Variants in IRAG2 observed in about 807,000 individuals in gnomAD.
The protein encoded by IRAG2 is lymphoid restricted membrane protein.
In IRAG2, 45 loss-of-function variants were observed where a neutral mutation model predicts 69.9. The ratio of observed to expected loss-of-function variants is 0.64; its 90% CI spans 0.51 to 0.83. IRAG2 has a LOEUF of 0.83. IRAG2 is among the 40% of genes least tolerant of loss of function. The probability of loss-of-function intolerance (pLI) is 0.00; values close to 1 mark genes in which losing one functional copy is unlikely to be tolerated. For missense variants in IRAG2, 520 were observed against 587.0 expected (o/e 0.89, Z 1.18); for synonymous variants, 193 against 202.4 (o/e 0.95, Z 0.40).
chr12:24,997,957 G>C, the IRAG2 span, among the ~76,000 whole-genome samples: 4 of 152,182 alleles, frequency 2.6e-5, no homozygotes, highest in African/African-American at 9.6e-5. Flanking sequence ...TGGAGCTTTT[G>C]GAAATTTAAA....
chr12:25,070,880 A>G (rs1430959578), intron 6 of IRAG2, among the ~76,000 whole-genome samples: 1 of 152,186 alleles, frequency 6.6e-6, no homozygotes, highest in Non-Finnish European at 1.5e-5. Flanking sequence ...TTCTCTCATG[A>G]TTAATAATGA....
rs763526714 is a variant in IRAG2 at position 25,089,633 on chromosome 12, T to A, written c.393T>A (p.Leu131=). The A allele has an allele frequency of 6.3e-7, 1 of 1,599,962 alleles. No individual in the cohort carries two copies. The highest frequency in any genetic ancestry group is 8.6e-7 in the Non-Finnish European group (1 of 1,168,104). ...TAATAGACTCTGTGGTTTCCCCTCT[T>A]CCTGTAACCACTGTGAAATCGGTTA... ...HASGDSVVSP[L]PVTTVKSVNL... is the part of the protein sequence containing the mutation. The change falls in exon 12 of 22, where the codon CTT becomes CTA. Residue 131 remains leucine, a synonymous_variant. Coordinates refer to ENST00000556887, the MANE Select transcript of IRAG2 (RefSeq NM_001366544.2).
chr12:25,045,860 A>G (rs1039298294), intron 16 of IRAG2, among the ~76,000 whole-genome samples: 21 of 151,644 alleles, frequency 1.4e-4, no homozygotes, highest in Non-Finnish European at 2.9e-4. Flanking sequence ...AAAAAAAAAA[A>G]AAAAAAAGGA....
intron 1 of IRAG2, among the ~76,000 whole-genome samples, chr12:25,059,708 A>T (rs1945495204): frequency 6.6e-6 from 1 of 152,172 alleles, no homozygotes; most frequent in South Asian, 2.1e-4. Flanking sequence ...AGATGTTTGA[A>T]AAACAAACAT....
At chr12:25,097,859 T>G (rs1204201496) in intron 15 of IRAG2, among the ~76,000 whole-genome samples, 4 of 152,238 alleles carry the variant, frequency 2.6e-5, no homozygotes, top group Non-Finnish European at 4.4e-5. Flanking sequence ...CTTTCAACTT[T>G]TTGTCTTATT....
At chr12:25,043,014 A>G (rs996197173) in intron 16 of IRAG2, among the ~76,000 whole-genome samples, 2 of 151,344 alleles carry the variant, frequency 1.3e-5, no homozygotes, top group African/African-American at 4.9e-5. Context: ...AAAAAAAAAA[A>G]AAGAAGAGGA....
At chr12:25,026,202 TACCAGG>T (rs1425938384) in intron 8 of IRAG2, among the ~76,000 whole-genome samples, 5 of 152,176 alleles carry the variant, frequency 3.3e-5, no homozygotes, top group South Asian at 2.1e-4. Flanking sequence ...AGTATAAATA[TACCAGG>T]ATGATATGAT....
chr12:25,063,196 G>A (rs544149195), intron 3 of IRAG2, among the ~76,000 whole-genome samples: 39 of 152,138 alleles, frequency 2.6e-4, no homozygotes, highest in Non-Finnish European at 4.3e-4. Context: ...CGGAGTAGCT[G>A]GGATTACAGT....
chr12:25,040,962 A>C (rs1038452599), intron 16 of IRAG2, among the ~76,000 whole-genome samples: 1 of 152,230 alleles, frequency 6.6e-6, no homozygotes, highest in African/African-American at 2.4e-5. Context: ...AAAGAAAATT[A>C]AATCAGGATA....
At chr12:25,091,864 A>G (rs2140178771) in intron 14 of IRAG2, among the ~76,000 whole-genome samples, 1 of 152,276 alleles carries the variant, frequency 6.6e-6, no homozygotes. Flanking sequence ...GGATAATGAT[A>G]TTGTGCATCT....
Position 25,079,264 on chromosome 12 carries a change from G to T in IRAG2, c.45G>T (p.Val15=). ...PSMEENGVER[V]CPESLLQSRE... is the part of the protein sequence containing the mutation. ...TTAAGGAGAATGGTGTTGAACGCGTGTGTCCTGAGAGCCTGCTGCAGTCCA... is the reference window on the plus strand; with the variant it reads ...TTAAGGAGAATGGTGTTGAACGCGTTTGTCCTGAGAGCCTGCTGCAGTCCA... The change falls in exon 7 of 22, where the codon GTG becomes GTT. Residue 15 remains valine (V), a synonymous_variant. Transcript: ENST00000556887. The T allele has an allele frequency of 6.2e-7, 1 of 1,614,110 alleles. No homozygotes were observed. The highest frequency in any genetic ancestry group is 2.2e-5 in the East Asian group (1 of 44,880).
chr12:25,020,827 G>A, exon 7 of IRAG2: 1 of 1,232,000 alleles, frequency 8.1e-7, no homozygotes, highest in Non-Finnish European at 1.0e-6. Context: ...TCTGTTAAAA[G>A]AAGAACTGGA....
At chr12:25,058,375 A>T (rs1945404355) in intron 1 of IRAG2, among the ~76,000 whole-genome samples, 1 of 152,148 alleles carries the variant, frequency 6.6e-6, no homozygotes, top group South Asian at 2.1e-4. Context: ...TGGCCATTGT[A>T]TATCTTCTTT....
chr12:25,026,837 G>C, exon 9 of IRAG2: 1 of 1,229,954 alleles, frequency 8.1e-7, no homozygotes, highest in Non-Finnish European at 1.0e-6. Flanking sequence ...GAAGATTGAA[G>C]ACTTGTCTAA....
chr12:25,080,848 T>C lies in IRAG2; in HGVS notation c.244+1085T>C, dbSNP rs184960316. On this transcript the variant is annotated intron_variant, in intron 9 of 21. Coordinates refer to ENST00000556887, the MANE Select transcript of IRAG2 (RefSeq NM_001366544.2). ...AAGGTTCCATTTGTTACCTATCATA[T>C]AGACAAAGAGGCACAAATTTGATTA... Among the ~76,000 whole-genome samples, 22 of 152,294 alleles carry C rather than the reference T, an allele frequency of 1.4e-4. No individual in the cohort carries two copies. In the East Asian group the frequency reaches 2.5e-3, roughly 17 times the overall value.
At position 25,077,185 on chromosome 12, in the gene IRAG2, G is replaced by T. The variant is rs10536372; in HGVS notation, c.25-2059G>T. On this transcript the variant is annotated intron_variant, in intron 6 of 21. Coordinates refer to ENST00000556887, the MANE Select transcript of IRAG2 (RefSeq NM_001366544.2). Reference sequence around the variant, plus strand: ...TGCCTTGTTCATTTCATATATATATGATATATATATGAAATATATATATGA... The same window carrying T: ...TGCCTTGTTCATTTCATATATATATTATATATATATGAAATATATATATGA... Among the ~76,000 whole-genome samples the T allele has an allele frequency of 5.6e-3, 331 of 58,934 alleles. 5 individuals carry two copies. The highest frequency in any genetic ancestry group is 0.017 in the African/African-American group (311 of 18,632). The allele number at this position is 58,934 out of a possible 152,430, so 38.7% of individuals were successfully genotyped here. A position where few individuals can be genotyped will look rare whatever the true frequency, so the allele number is the denominator to read the frequency against.
chr12:25,027,155 C>T (rs1223211361), intron 9 of IRAG2, among the ~76,000 whole-genome samples: 3 of 151,872 alleles, frequency 2.0e-5, no homozygotes, highest in South Asian at 2.1e-4. Flanking sequence ...TCTCCAAAAT[C>T]AAGTTTAAAA....
intron 10 of IRAG2, chr12:25,030,469 C>T (rs567218813): frequency 4.8e-5 from 23 of 480,616 alleles, no homozygotes; most frequent in Admixed American, 4.5e-5. Context: ...TCACTGCAAC[C>T]TCCACCTCCC....
rs201257184 is a variant in IRAG2, at chr12:25,041,662, G to GTTTTTT, written c.2144+3529_2144+3534dup. On this transcript the variant is annotated intron_variant, in intron 16 of 38. Transcript: ENST00000636465. ...ATGCCGCTATGCTCCGCTAAGTTTTGTTTTTTTTTGTTTTTTTTTTTTTCA... is the reference window on the plus strand; with the variant it reads ...ATGCCGCTATGCTCCGCTAAGTTTTGTTTTTTTTTTTTTTTGTTTTTTTTTTTTTCA... Among the ~76,000 whole-genome samples, 29 of 102,820 alleles carry GTTTTTT rather than the reference G, an allele frequency of 2.8e-4. No homozygotes were observed. In the East Asian group the frequency reaches 3.6e-3, roughly 13 times the overall value. 67.5% of individuals were successfully genotyped at this position (102,820 alleles called of 152,430 possible). A position where few individuals can be genotyped will look rare whatever the true frequency, so the allele number is the denominator to read the frequency against.
Sources: allele counts gnomAD v4.1 joint callset (sites outside exome capture counted in the v4.1 genomes callset), GRCh38; gene constraint gnomAD v4.1.1; transcripts MANE v1.5; gene names NCBI Gene and HGNC (gene_info 2026-07-23, HGNC 2026-07-21).